The following ADAMTSL1 variants were observed in gnomAD, a reference collection of about 807,000 sequenced individuals.
The protein encoded by ADAMTSL1 is ADAMTS-like protein 1.
In ADAMTSL1, 126 loss-of-function variants were observed where a neutral mutation model predicts 201.8. The observed-to-expected ratio is 0.62, with a 90% CI of 0.54 to 0.72. ADAMTSL1 has a LOEUF of 0.72. Ranked by LOEUF, ADAMTSL1 falls within the 30% of genes least tolerant of loss-of-function variation. ADAMTSL1 has a pLI of 0.00. For synonymous variants in ADAMTSL1, 1,121 were observed against 903.4 expected (o/e 1.24, Z -4.32); for missense variants, 2,679 against 2,277.8 (o/e 1.18, Z -3.59).
At chr9:18,582,747 G>A (rs1203758850) in intron 4 of ADAMTSL1, among the ~76,000 whole-genome samples, 1 of 151,954 alleles carries the variant, frequency 6.6e-6, no homozygotes, top group East Asian at 1.9e-4. Context: ...TTCTCTGGAG[G>A]CTGAAGCAGG....
intron 16 of ADAMTSL1, among the ~76,000 whole-genome samples, chr9:18,768,720 A>T (rs1820508846): frequency 6.6e-6 from 1 of 152,184 alleles, no homozygotes; most frequent in African/African-American, 2.4e-5. Flanking sequence ...TTCTAACATC[A>T]TTATCCACTA....
intron 1 of ADAMTSL1, among the ~76,000 whole-genome samples, chr9:18,003,240 G>T (rs1048363899): frequency 6.6e-6 from 1 of 151,902 alleles, no homozygotes. Flanking sequence ...TTTGACCTGC[G>T]TGTAGAGCTC....
chr9:18,897,347 G>T (rs1039837055), intron 26 of ADAMTSL1, among the ~76,000 whole-genome samples: 1 of 152,148 alleles, frequency 6.6e-6, no homozygotes, highest in Admixed American at 6.5e-5. Flanking sequence ...ACACAGCACA[G>T]CTGTTCTACC....
chr9:18,238,001 G>C (rs1431411606), intron 2 of ADAMTSL1, among the ~76,000 whole-genome samples: 8 of 152,220 alleles, frequency 5.3e-5, no homozygotes, highest in African/African-American at 1.4e-4. Context: ...CCCTCTAGAG[G>C]CTGGAGGGAG....
At chr9:18,841,775 T>C (rs1825732455) in intron 23 of ADAMTSL1, among the ~76,000 whole-genome samples, 1 of 152,188 alleles carries the variant, frequency 6.6e-6, no homozygotes, top group Non-Finnish European at 1.5e-5. Flanking sequence ...GGAGGGTGTA[T>C]GTGTCGAGGA....
rs148050384 is a variant in ADAMTSL1 at position 18,047,651 on chromosome 9, C to T, written c.88-116211C>T. Reference sequence around the variant, plus strand: ...GGGTGATGACACTGGTTCTGCTCATCGTTTTAGAACCTGTAAACTGAACCC... The same window carrying T: ...GGGTGATGACACTGGTTCTGCTCATTGTTTTAGAACCTGTAAACTGAACCC... On this transcript the variant is annotated intron_variant, in intron 1 of 29. Coordinates refer to the ADAMTSL1 transcript ENST00000680146. Among the ~76,000 whole-genome samples the T allele has an allele frequency of 1.3e-3, 194 of 152,104 alleles. 2 individuals carry two copies. Among genetic ancestry groups the T allele is most frequent in the Non-Finnish European group, 1.7e-3 (116 of 67,984 alleles).
intron 16 of ADAMTSL1, among the ~76,000 whole-genome samples, chr9:18,763,523 G>A (rs1820189005): frequency 6.6e-6 from 1 of 151,986 alleles, no homozygotes; most frequent in Non-Finnish European, 1.5e-5. Context: ...GTTCATATTT[G>A]CCTGTGCTTG....
chr9:18,195,839 T>C (rs1195758836), intron 2 of ADAMTSL1, among the ~76,000 whole-genome samples: 3 of 152,150 alleles, frequency 2.0e-5, no homozygotes, highest in Non-Finnish European at 2.9e-5. Flanking sequence ...CATATGTTCA[T>C]TTGGTAAGAT....
intron 4 of ADAMTSL1, among the ~76,000 whole-genome samples, chr9:18,609,970 T>C (rs561157865): frequency 1.6e-4 from 25 of 152,318 alleles, no homozygotes; most frequent in African/African-American, 6.0e-4. Context: ...CACATCCAGG[T>C]TGAGTTGTTG....
At chr9:18,199,371 A>G (rs1426478770) in intron 2 of ADAMTSL1, among the ~76,000 whole-genome samples, 1 of 152,120 alleles carries the variant, frequency 6.6e-6, no homozygotes, top group African/African-American at 2.4e-5. Flanking sequence ...TAAAAAATGA[A>G]TATATTATTG....
intron 1 of ADAMTSL1, among the ~76,000 whole-genome samples, chr9:18,002,513 A>G (rs1305398300): frequency 1.3e-5 from 2 of 152,096 alleles, no homozygotes; most frequent in Non-Finnish European, 2.9e-5. Flanking sequence ...TATTACTAGC[A>G]TAAGAGTATG....
At chr9:18,873,391 G>T (rs1047822040) in intron 23 of ADAMTSL1, among the ~76,000 whole-genome samples, 4 of 152,156 alleles carry the variant, frequency 2.6e-5, no homozygotes, top group Non-Finnish European at 5.9e-5. Context: ...GTCAAGAAGG[G>T]TTTTTCCAGT....
At chr9:18,627,421 A>G (rs889931680) in intron 5 of ADAMTSL1, among the ~76,000 whole-genome samples, 1 of 152,202 alleles carries the variant, frequency 6.6e-6, no homozygotes, top group African/African-American at 2.4e-5. Flanking sequence ...ACTAATTACC[A>G]CAGACTAAGT....
At chr9:18,401,337 C>T (rs1817976734) in intron 2 of ADAMTSL1, among the ~76,000 whole-genome samples, 1 of 152,330 alleles carries the variant, frequency 6.6e-6, no homozygotes, top group East Asian at 1.9e-4. Context: ...CTTCTGGCTA[C>T]TCACAGTTTC....
At chr9:18,412,218 C>G (rs79923364) in intron 2 of ADAMTSL1, among the ~76,000 whole-genome samples, 1,716 of 152,268 alleles carry the variant, frequency 0.011, 34 homozygotes, top group African/African-American at 0.039. Context: ...CCGGCAAGAA[C>G]ACTTCATAAG....
chr9:18,244,081 A>G (rs1414547726), intron 2 of ADAMTSL1, among the ~76,000 whole-genome samples: 1 of 135,130 alleles, frequency 7.4e-6, no homozygotes, highest in African/African-American at 2.7e-5. Context: ...ATAGAGAGAA[A>G]TGATTTTGTG....
At chr9:18,782,377 C>T (rs1821445740) in intron 19 of ADAMTSL1, among the ~76,000 whole-genome samples, 1 of 152,180 alleles carries the variant, frequency 6.6e-6, no homozygotes, top group Non-Finnish European at 1.5e-5. Context: ...GAGTTCTGCT[C>T]AAATGGCACA....
intron 1 of ADAMTSL1, among the ~76,000 whole-genome samples, chr9:18,502,389 T>G (rs1180561441): frequency 6.6e-6 from 1 of 152,234 alleles, no homozygotes; most frequent in Non-Finnish European, 1.5e-5. Context: ...CTCTCAGTAG[T>G]CAGCAATCCT....
At chr9:18,789,998 T>C (rs1430600040) in intron 19 of ADAMTSL1, among the ~76,000 whole-genome samples, 1 of 152,170 alleles carries the variant, frequency 6.6e-6, no homozygotes, top group Non-Finnish European at 1.5e-5. Context: ...CAATAACATA[T>C]CCCAGGTAGT....
Sources: gnomAD v4.1 joint callset for allele counts (sites outside exome capture counted in the v4.1 genomes callset) on GRCh38, gnomAD v4.1.1 for gene constraint, MANE v1.5 for transcripts, NCBI Gene and HGNC (gene_info 2026-07-23, HGNC 2026-07-21) for gene names.